The following DCHS2 variants were observed in gnomAD, a reference collection of about 807,000 sequenced individuals.
DCHS2 encodes dachsous cadherin-related 2.
A neutral mutation model predicts 182.4 loss-of-function variants in DCHS2; 142 were observed. That is an observed-to-expected ratio of 0.78 (90% CI 0.68 to 0.89). The LOEUF is 0.89. Ranked by LOEUF, DCHS2 falls within the 40% of genes least tolerant of loss-of-function variation. The pLI is 0.00. For missense variants in DCHS2, 4,319 were observed against 4,198.6 expected (o/e 1.03, Z -0.79); for synonymous variants, 1,740 against 1,663.3 (o/e 1.05, Z -1.12).
intron 1 of DCHS2, among the ~76,000 whole-genome samples, chr4:154,397,041 A>C (rs1336156942): frequency 6.6e-6 from 1 of 152,226 alleles, no homozygotes; most frequent in Non-Finnish European, 1.5e-5. Context: ...CCTGAGCAAA[A>C]AGTAAGACCC....
Position 154,490,538 on chromosome 4 carries a change from C to A in DCHS2, c.818G>T (p.Arg273Leu). 1 of 1,539,004 alleles carries A rather than the reference C, an allele frequency of 6.5e-7. No homozygotes were observed. The highest frequency in any genetic ancestry group is 1.2e-5 in the South Asian group (1 of 83,928). ...GCTCAGGAGGCCGGTGCGCCGGGGT[C>A]GGCCGCCGTCCCATGCCTCGATCTG... ...RLQIEAWDGG[R>L]PRRTGLLSVE... Residue 273 changes from arginine (R) to leucine (L), a missense_variant, in exon 1 of 20, where the codon CGA becomes CTA. Transcript: ENST00000357232.
At chr4:154,262,695 G>C (rs1286537577) in intron 14 of DCHS2, among the ~76,000 whole-genome samples, 1 of 152,138 alleles carries the variant, frequency 6.6e-6, no homozygotes, top group Non-Finnish European at 1.5e-5. Flanking sequence ...ATTATATACT[G>C]TGTACATGCA....
chr4:154,341,502 T>G (rs1037494349), intron 3 of DCHS2, among the ~76,000 whole-genome samples: 3 of 152,026 alleles, frequency 2.0e-5, no homozygotes, highest in Admixed American at 1.3e-4. Flanking sequence ...TGTTATCATA[T>G]TCCTCCATTT....
chr4:154,316,470 C>T (rs1356931119), intron 9 of DCHS2, among the ~76,000 whole-genome samples: 1 of 151,950 alleles, frequency 6.6e-6, no homozygotes, highest in Non-Finnish European at 1.5e-5. Flanking sequence ...TTTTTTTTAA[C>T]AATAAAGAGC....
intron 1 of DCHS2, among the ~76,000 whole-genome samples, chr4:154,428,774 G>A (rs1419033386): frequency 4.6e-5 from 7 of 151,942 alleles, no homozygotes; most frequent in Admixed American, 6.6e-5. Context: ...ATGGTGGCAC[G>A]TGCCTGTAAT....
intron 12 of DCHS2, among the ~76,000 whole-genome samples, chr4:154,301,811 T>A (rs1478092091): frequency 6.6e-6 from 1 of 152,202 alleles, no homozygotes; most frequent in African/African-American, 2.4e-5. Flanking sequence ...CTGCTTTGCC[T>A]TATTTTAGCA....
chr4:154,428,212 G>A (rs1402055855), intron 1 of DCHS2, among the ~76,000 whole-genome samples: 1 of 152,114 alleles, frequency 6.6e-6, no homozygotes, highest in Non-Finnish European at 1.5e-5. Flanking sequence ...AAAATAACAA[G>A]GGTGAAAATA....
At chr4:154,449,145 C>A (rs989816416) in intron 1 of DCHS2, among the ~76,000 whole-genome samples, 8 of 151,658 alleles carry the variant, frequency 5.3e-5, no homozygotes, top group Non-Finnish European at 8.8e-5. Flanking sequence ...CCCTTCGCAC[C>A]CTGGCTGGAG....
Position 154,236,591 on chromosome 4 carries a change from G to A in DCHS2, c.8061C>T (p.Val2687=). 1 of 1,613,998 alleles carries A rather than the reference G, an allele frequency of 6.2e-7. No individual in the cohort carries two copies. ...ACCCTGTGTCACGGTCATTTGCTGA[G>A]ACCACAGTGATGTGACTCCCTAGAG... is the stretch of plus-strand genomic sequence containing the variant. ...STPLGSHITV[V]SANDRDTGSH... The change falls in exon 20 of 20, where the codon GTC becomes GTT. Residue 2687 remains valine (V), a synonymous_variant. Coordinates refer to ENST00000357232, the MANE Select transcript of DCHS2 (RefSeq NM_001358235.2).
chr4:154,303,497 A>T (rs1735301981), intron 12 of DCHS2, among the ~76,000 whole-genome samples: 1 of 151,734 alleles, frequency 6.6e-6, no homozygotes, highest in Non-Finnish European at 1.5e-5. Context: ...AAAAAAAAAA[A>T]AAAAAAAGCT....
intron 1 of DCHS2, among the ~76,000 whole-genome samples, chr4:154,437,277 G>C (rs1328845046): frequency 2.0e-5 from 3 of 152,126 alleles, no homozygotes; most frequent in African/African-American, 7.2e-5. Context: ...ACAATAAAAT[G>C]AGAACCACTG....
At chr4:154,239,086 A>G in intron 19 of DCHS2, 84 bp downstream of exon 19, 1 of 1,511,996 alleles carries the variant, frequency 6.6e-7, no homozygotes, top group Non-Finnish European at 8.8e-7. Flanking sequence ...GGGAACTTTT[A>G]TAGAGGCATT....
intron 1 of DCHS2, among the ~76,000 whole-genome samples, chr4:154,409,914 A>T (rs1732551642): frequency 1.3e-5 from 2 of 152,204 alleles, no homozygotes; most frequent in South Asian, 4.1e-4. Flanking sequence ...ACTGACATTG[A>T]TTGCAGCTGA....
chr4:154,322,277 A>C (rs1196202615), intron 8 of DCHS2, 54 bp downstream of exon 8: 3 of 1,607,544 alleles, frequency 1.9e-6, no homozygotes, highest in African/African-American at 1.3e-5. Context: ...ACTTGTAATG[A>C]AAGTCAAATG....
intron 1 of DCHS2, among the ~76,000 whole-genome samples, chr4:154,441,773 T>C (rs921462217): frequency 6.6e-6 from 1 of 152,156 alleles, no homozygotes; most frequent in South Asian, 2.1e-4. Flanking sequence ...TATAAAGCAC[T>C]TCTTGTTTTA....
chr4:154,383,811 T>C (rs1032610343), intron 1 of DCHS2, among the ~76,000 whole-genome samples: 5 of 151,212 alleles, frequency 3.3e-5, no homozygotes, highest in African/African-American at 1.2e-4. Context: ...TACACTCAAC[T>C]CAGCAAAATT....
At position 154,235,455 on chromosome 4, in the gene DCHS2, T is replaced by A; in HGVS notation, c.9197A>T (p.Asp3066Val). Reference sequence around the variant, plus strand: ...TAAACTCAACCATTCCGGAGTGGCATCCACAGGGACCACCTCGTTACTGCA... The same window carrying A: ...TAAACTCAACCATTCCGGAGTGGCAACCACAGGGACCACCTCGTTACTGCA... ...DDCSNEVVPV[D>V]ATPEWLSLIS... Residue 3066 changes from aspartate (D) to valine (V), a missense_variant, in exon 20 of 20, where the codon GAT becomes GTT. Asp to Val is a radical substitution (Grantham distance 152). Transcript: ENST00000357232. The A allele has an allele frequency of 3.1e-6, 5 of 1,614,094 alleles. No individual in the cohort carries two copies. Among genetic ancestry groups the A allele is most frequent in the Non-Finnish European group, 4.2e-6 (5 of 1,179,968 alleles).
At chr4:154,415,062 G>A (rs751596668) in intron 1 of DCHS2, among the ~76,000 whole-genome samples, 1 of 152,182 alleles carries the variant, frequency 6.6e-6, no homozygotes, top group Non-Finnish European at 1.5e-5. Context: ...CTGTTCAACT[G>A]CCTAACACAT....
At chr4:154,324,622 A>G (rs1736206340) in intron 7 of DCHS2, among the ~76,000 whole-genome samples, 1 of 152,234 alleles carries the variant, frequency 6.6e-6, no homozygotes, top group African/African-American at 2.4e-5. Flanking sequence ...CATTTCAAAC[A>G]GTTCAAACCT....
Sources: gnomAD v4.1 joint callset for allele counts (sites outside exome capture counted in the v4.1 genomes callset) on GRCh38, gnomAD v4.1.1 for gene constraint, MANE v1.5 for transcripts, NCBI Gene and HGNC (gene_info 2026-07-23, HGNC 2026-07-21) for gene names.